Variants in N4BP2 observed in about 807,000 individuals in gnomAD.
The protein encoded by N4BP2 is NEDD4-binding protein 2.
Under a neutral mutation model 152.8 loss-of-function variants are expected in N4BP2, and 91 were observed. The ratio of observed to expected loss-of-function variants is 0.60; its 90% CI spans 0.50 to 0.71. The LOEUF is 0.71. N4BP2 is among the 30% of genes least tolerant of loss of function. The pLI, the probability that N4BP2 is intolerant of heterozygous loss-of-function variation, is 0.00. For synonymous variants in N4BP2, 646 were observed against 705.3 expected (o/e 0.92, Z 1.33); for missense variants, 1,923 against 2,059.1 (o/e 0.93, Z 1.28).
At chr4:40,134,099 G>A (rs1481945759) in intron 13 of N4BP2, among the ~76,000 whole-genome samples, 1 of 152,140 alleles carries the variant, frequency 6.6e-6, no homozygotes, top group African/African-American at 2.4e-5. Context: ...GTGAACCACC[G>A]TGCCCAGCCC....
chr4:40,139,831 T>C (rs1719750421), intron 14 of N4BP2, among the ~76,000 whole-genome samples: 1 of 146,622 alleles, frequency 6.8e-6, no homozygotes, highest in African/African-American at 2.5e-5. Flanking sequence ...TTTTTTTCTT[T>C]TTTTTTTTTT....
At chr4:40,179,754 C>T in the N4BP2 span, among the ~76,000 whole-genome samples, 31 of 145,382 alleles carry the variant, frequency 2.1e-4, no homozygotes, top group African/African-American at 8.0e-4. Flanking sequence ...AGTGGTAAAG[C>T]CTTTCTTTTT....
intron 5 of N4BP2, among the ~76,000 whole-genome samples, chr4:40,109,640 C>T (rs1228139087): frequency 1.3e-5 from 2 of 151,930 alleles, no homozygotes; most frequent in Non-Finnish European, 2.9e-5. Context: ...ATTGCTTGAA[C>T]CTGGGAGGCG....
At chr4:40,179,165 G>A in the N4BP2 span, among the ~76,000 whole-genome samples, 20 of 152,152 alleles carry the variant, frequency 1.3e-4, no homozygotes, top group African/African-American at 4.6e-4. Context: ...TCAGGAGATC[G>A]AGACCATCCT....
At chr4:40,114,325 A>C (rs957969336) in intron 7 of N4BP2, among the ~76,000 whole-genome samples, 7 of 152,024 alleles carry the variant, frequency 4.6e-5, no homozygotes, top group Non-Finnish European at 8.8e-5. Flanking sequence ...CATCACCCCT[A>C]TGTAATTTCA....
Position 40,102,304 on chromosome 4 carries a change from G to T in N4BP2, c.459G>T (p.Leu153Phe). The change falls in exon 4 of 18, where the codon TTG becomes TTT. Residue 153 changes from leucine (L) to phenylalanine (F), a missense_variant. By Grantham distance (22) the Leu-to-Phe change is conservative (BLOSUM62 0). Transcript: ENST00000261435. ...TAATACAGAATGCTTTTGAGAAATT[G>T]AACTCTTCTCCTGATGACCAAGTAT... ...DSLIQNAFEK[L>F]NSSPDDQVYS... The T allele has an allele frequency of 1.2e-6, 2 of 1,613,100 alleles. No homozygotes were observed. Among genetic ancestry groups the T allele is most frequent in the Non-Finnish European group, 1.7e-6 (2 of 1,179,648 alleles).
chr4:40,160,877 G>A (rs939138358), downstream of N4BP2, among the ~76,000 whole-genome samples: 1 of 152,118 alleles, frequency 6.6e-6, no homozygotes, highest in Non-Finnish European at 1.5e-5. Flanking sequence ...TTGGGGTGGA[G>A]GGACAGATGA....
chr4:40,127,742 G>T (rs1218078312), intron 12 of N4BP2, among the ~76,000 whole-genome samples: 1 of 151,996 alleles, frequency 6.6e-6, no homozygotes, highest in African/African-American at 2.4e-5. Flanking sequence ...CTCGCTGCAT[G>T]CTCCGTCTCC....
At chr4:40,113,818 C>G (rs1717115720) in intron 7 of N4BP2, among the ~76,000 whole-genome samples, 1 of 152,068 alleles carries the variant, frequency 6.6e-6, no homozygotes, top group African/African-American at 2.4e-5. Context: ...TCTTGAACTC[C>G]TGGCCTCAAG....
chr4:40,148,034 A>T lies in N4BP2; in HGVS notation c.5143+3234A>T, dbSNP rs1187701271. Reference sequence around the variant, plus strand: ...GCAGCCAGGCAGAGGGGCTCCTCACATCCCAGACGGGGTGGCGGCCGGGCA... The same window carrying T: ...GCAGCCAGGCAGAGGGGCTCCTCACTTCCCAGACGGGGTGGCGGCCGGGCA... On this transcript the variant is annotated intron_variant, in intron 16 of 17. Transcript: ENST00000261435. 2.0e-5 allele frequency among the ~76,000 whole-genome samples: 3 copies of T among 147,576 alleles called. No individual in the cohort carries two copies. In the South Asian group the frequency reaches 6.5e-4, roughly 32 times the overall value.
intron 9 of N4BP2, among the ~76,000 whole-genome samples, chr4:40,122,523 G>A (rs955752956): frequency 1.3e-5 from 2 of 152,100 alleles, no homozygotes; most frequent in Non-Finnish European, 2.9e-5. Flanking sequence ...ATAGGCATGT[G>A]CCACCGTACC....
At position 40,106,942 on chromosome 4, in the gene N4BP2, T is replaced by G. The variant is rs150805266; in HGVS notation, c.1416T>G (p.Thr472=). 8.2e-5 allele frequency: 132 copies of G among 1,612,196 alleles called. 2 individuals carry two copies. Among genetic ancestry groups the G allele is most frequent in the Non-Finnish European group, 8.3e-5 (98 of 1,178,438 alleles). The change falls in exon 5 of 18, where the codon ACT becomes ACG. Residue 472 remains threonine (T), a synonymous_variant. Transcript: ENST00000261435. ...EDNPSGVILS[T]DDYFYINGQY... is the part of the protein sequence containing the mutation. ...ATCCAAGTGGAGTCATTCTTAGTAC[T>G]GATGATTATTTTTATATAAATGGAC...
At chr4:40,074,039 G>A (rs538026244) in intron 2 of N4BP2, among the ~76,000 whole-genome samples, 4 of 152,000 alleles carry the variant, frequency 2.6e-5, no homozygotes, top group East Asian at 3.9e-4. Context: ...TGATCCGCCC[G>A]CCTCAGCCTC....
chr4:40,180,442 T>A, the N4BP2 span, among the ~76,000 whole-genome samples: 1 of 152,184 alleles, frequency 6.6e-6, no homozygotes, highest in Non-Finnish European at 1.5e-5. Flanking sequence ...AGATAGTTAG[T>A]CACTCTCATA....
chr4:40,150,892 CTT>C (rs1356347474), intron 16 of N4BP2, among the ~76,000 whole-genome samples: 1 of 151,982 alleles, frequency 6.6e-6, no homozygotes, highest in Non-Finnish European at 1.5e-5. Context: ...TATTAAGGGA[CTT>C]TTATTAATTT....
chr4:40,106,087 T>C (rs1716252269), intron 4 of N4BP2, among the ~76,000 whole-genome samples: 1 of 152,222 alleles, frequency 6.6e-6, no homozygotes, highest in Non-Finnish European at 1.5e-5. Flanking sequence ...AAGGGACATA[T>C]ATTTTCAGAA....
rs759606684 is a variant in N4BP2, at chr4:40,121,673, G to A, written c.3562G>A (p.Ala1188Thr). The A allele has an allele frequency of 3.6e-5, 58 of 1,613,980 alleles. No individual in the cohort carries two copies. The highest frequency in any genetic ancestry group is 3.8e-5 in the Non-Finnish European group (45 of 1,180,018). The change falls in exon 9 of 18, where the codon GCT becomes ACT. Residue 1188 changes from alanine to threonine, a missense_variant. Coordinates refer to ENST00000261435, the MANE Select transcript of N4BP2 (RefSeq NM_018177.6). ...EFSHGIGISN[A>T]DSQSTCDAER... ...TAGCCATGGGATTGGTATTAGTAACGCTGACTCACAGTCTACTTGTGATGC... is the reference window on the plus strand; with the variant it reads ...TAGCCATGGGATTGGTATTAGTAACACTGACTCACAGTCTACTTGTGATGC...
chr4:40,086,740 TAA>T (rs528567991), intron 2 of N4BP2, among the ~76,000 whole-genome samples: 259 of 152,038 alleles, frequency 1.7e-3, no homozygotes, highest in African/African-American at 5.9e-3. Flanking sequence ...TATATAGATT[TAA>T]AAAAATTATT....
intron 2 of N4BP2, among the ~76,000 whole-genome samples, chr4:40,087,217 CCTTT>C (rs1213723927): frequency 1.3e-5 from 2 of 151,978 alleles, no homozygotes; most frequent in Non-Finnish European, 2.9e-5. Context: ...CCTCCTTGCC[CCTTT>C]CTTTCTTCCT....
Sources: gnomAD v4.1 joint callset for allele counts (sites outside exome capture counted in the v4.1 genomes callset) on GRCh38, gnomAD v4.1.1 for gene constraint, MANE v1.5 for transcripts, NCBI Gene and HGNC (gene_info 2026-07-23, HGNC 2026-07-21) for gene names.